NFIB: variants seen among roughly 807,000 people sequenced by gnomAD.
The protein encoded by NFIB is nuclear factor 1 B-type.
Under a neutral mutation model 61.5 loss-of-function variants are expected in NFIB, and 11 were observed. The observed-to-expected ratio is 0.18, with a 90% CI of 0.11 to 0.30. The LOEUF is 0.30. Among genes scored for constraint, NFIB ranks in the 10% least tolerant of loss-of-function variants. The pLI is 1.00. For missense variants in NFIB, 471 were observed against 608.9 expected (o/e 0.77, Z 2.38); for synonymous variants, 260 against 216.5 (o/e 1.20, Z -1.76).
chr9:14,116,355 CAA>C lies in NFIB; in HGVS notation c.1246-11_1246-10del, dbSNP rs1448582510. 5 of 1,493,296 alleles carry C rather than the reference CAA, an allele frequency of 3.3e-6. No individual in the cohort carries two copies. The African/African-American group carries it at 7.0e-5, about 21-fold the overall frequency. 92.5% of individuals were successfully genotyped at this position (1,493,296 alleles called of 1,614,324 possible). A position where few individuals can be genotyped will look rare whatever the true frequency, so the allele number is the denominator to read the frequency against. On this transcript the variant is annotated splice_polypyrimidine_tract_variant and intron_variant, in intron 8 of 10. Coordinates refer to ENST00000380953, the MANE Select transcript of NFIB (RefSeq NM_001190737.2). ...TGACCACTGCCGTTAGGCTACAAAA[CAA>C]AAACAGAATGCCGGGTGAAGCAATC...
chr9:14,521,207 A>C, the NFIB span, among the ~76,000 whole-genome samples: 1 of 152,196 alleles, frequency 6.6e-6, no homozygotes, highest in African/African-American at 2.4e-5. Context: ...TGCAGGAACT[A>C]TTTTTTAATA....
Position 14,146,241 on chromosome 9 carries a change from A to G in NFIB, c.925+448T>C, listed in dbSNP as rs184840946. Among the ~76,000 whole-genome samples, 377 of 152,280 alleles carry G rather than the reference A, an allele frequency of 2.5e-3. 1 individual carries two copies. Among genetic ancestry groups the G allele is most frequent in the Non-Finnish European group, 4.4e-3 (299 of 68,014 alleles). ...TACATTACACTTTTCTTTATTGTAT[A>G]TGGTCTACCTACTTCCAAAAGGAAT... is the stretch of plus-strand genomic sequence containing the variant. On this transcript the variant is annotated intron_variant, in intron 6 of 10. Transcript: ENST00000380953.
At chr9:14,309,201 A>G (rs2060169712) in intron 1 of NFIB, among the ~76,000 whole-genome samples, 2 of 152,228 alleles carry the variant, frequency 1.3e-5, no homozygotes, top group South Asian at 4.1e-4. Flanking sequence ...AAATATGATG[A>G]AAGTACAACT....
At chr9:14,293,593 A>C (rs2059239771) in intron 2 of NFIB, among the ~76,000 whole-genome samples, 1 of 152,306 alleles carries the variant, frequency 6.6e-6, no homozygotes, top group Non-Finnish European at 1.5e-5. Flanking sequence ...TTCTGAACAT[A>C]AGTGCGGAGT....
the NFIB span, among the ~76,000 whole-genome samples, chr9:14,508,683 G>A: frequency 6.6e-5 from 10 of 152,346 alleles, no homozygotes; most frequent in African/African-American, 2.4e-4. Context: ...GGCCTCTGGT[G>A]CCAGGATGGT....
intron 3 of NFIB, among the ~76,000 whole-genome samples, chr9:14,167,181 C>G (rs551859298): frequency 6.6e-6 from 1 of 151,204 alleles, no homozygotes; most frequent in Admixed American, 6.6e-5. Context: ...TGAGGGTAGA[C>G]GAAACCTTTG....
the NFIB span, among the ~76,000 whole-genome samples, chr9:14,501,615 T>G: frequency 1.3e-5 from 2 of 152,202 alleles, no homozygotes; most frequent in Admixed American, 1.3e-4. Flanking sequence ...CTGTTGGGAC[T>G]CCGAAGCTAA....
intron 2 of NFIB, among the ~76,000 whole-genome samples, chr9:14,287,870 A>C (rs902793978): frequency 1.3e-5 from 2 of 152,128 alleles, no homozygotes; most frequent in African/African-American, 4.8e-5. Context: ...TGCTTTTAGC[A>C]GCAAAAAAGT....
At chr9:14,496,323 G>A in the NFIB span, among the ~76,000 whole-genome samples, 1 of 152,108 alleles carries the variant, frequency 6.6e-6, no homozygotes, top group East Asian at 1.9e-4. Flanking sequence ...TTTTCCCTTG[G>A]AGACACTGAA....
chr9:14,161,957 G>C (rs1160831715), intron 3 of NFIB, among the ~76,000 whole-genome samples: 1 of 151,970 alleles, frequency 6.6e-6, no homozygotes, highest in African/African-American at 2.4e-5. Flanking sequence ...ATATTAGTAG[G>C]GATTTGTTTT....
At chr9:14,489,600 C>T in the NFIB span, among the ~76,000 whole-genome samples, 2 of 152,082 alleles carry the variant, frequency 1.3e-5, no homozygotes, top group Admixed American at 1.3e-4. Flanking sequence ...AGTCTCCTTC[C>T]AGGCTACTAG....
chr9:14,449,036 T>G, the NFIB span, among the ~76,000 whole-genome samples: 38 of 152,242 alleles, frequency 2.5e-4, no homozygotes, highest in African/African-American at 8.9e-4. Context: ...TGATCAAAGA[T>G]TGAAGGTTAC....
chr9:14,233,975 T>C (rs770237378), intron 2 of NFIB, among the ~76,000 whole-genome samples: 11 of 152,306 alleles, frequency 7.2e-5, no homozygotes, highest in Middle Eastern at 3.4e-3. Context: ...GCTTTACTTA[T>C]AGAAAGCACC....
At chr9:14,459,208 T>C in the NFIB span, among the ~76,000 whole-genome samples, 2 of 152,062 alleles carry the variant, frequency 1.3e-5, no homozygotes, top group East Asian at 1.9e-4. Flanking sequence ...TCAGAAATAA[T>C]GCTGCATATC....
chr9:14,314,955 G>A (rs2060471745), upstream of NFIB, among the ~76,000 whole-genome samples: 1 of 151,940 alleles, frequency 6.6e-6, no homozygotes, highest in African/African-American at 2.4e-5. Flanking sequence ...GAAACCGTCT[G>A]AGCCCGAGAA....
intron 3 of NFIB, among the ~76,000 whole-genome samples, chr9:14,172,375 G>A (rs537442293): frequency 6.6e-6 from 1 of 152,060 alleles, no homozygotes; most frequent in Non-Finnish European, 1.5e-5. Context: ...GTAAAGGACA[G>A]ACAGAAGTTT....
Position 14,113,176 on chromosome 9 carries a change from C to T in NFIB, c.1385-95G>A. The T allele has an allele frequency of 3.9e-6, 4 of 1,021,808 alleles. No individual in the cohort carries two copies. In the South Asian group the frequency reaches 6.0e-5, roughly 15 times the overall value. The allele number at this position is 1,021,808 out of a possible 1,614,324, so 63.3% of individuals were successfully genotyped here. A position where few individuals can be genotyped will look rare whatever the true frequency, so the allele number is the denominator to read the frequency against. On this transcript the variant is annotated intron_variant, in intron 9 of 10. Coordinates refer to ENST00000380953, the MANE Select transcript of NFIB (RefSeq NM_001190737.2). ...AAGAAACCCAGAGAAGTGGGATTTG[C>T]AACCAAAAAAAAAAAGTGTCTTCAT...
the NFIB span, among the ~76,000 whole-genome samples, chr9:14,453,659 T>C: frequency 6.6e-6 from 1 of 152,224 alleles, no homozygotes; most frequent in African/African-American, 2.4e-5. Flanking sequence ...CTTATGAAAG[T>C]AGAAATGGTC....
chr9:14,223,622 T>G (rs977989123), intron 2 of NFIB, among the ~76,000 whole-genome samples: 2 of 152,260 alleles, frequency 1.3e-5, no homozygotes, highest in Admixed American at 6.5e-5. Context: ...AAGTTAAATT[T>G]TTTGAGAAAT....
Sources: gnomAD v4.1 joint callset for allele counts (sites outside exome capture counted in the v4.1 genomes callset) on GRCh38, gnomAD v4.1.1 for gene constraint, MANE v1.5 for transcripts, NCBI Gene and HGNC (gene_info 2026-07-23, HGNC 2026-07-21) for gene names.